The following PRDM9 variants were observed in gnomAD, a reference collection of about 807,000 sequenced individuals.
PRDM9 encodes histone-lysine N-methyltransferase PRDM9.
PRDM9 carries 47 observed loss-of-function variants against 55.6 expected under a neutral mutation model. That is an observed-to-expected ratio of 0.85 (90% CI 0.67 to 1.08). The LOEUF (loss-of-function observed/expected upper bound fraction) is 1.08, where lower values mean the gene tolerates loss of function less well. PRDM9 is among the 50% of genes least tolerant of loss of function. PRDM9 has a pLI of 0.00. For missense variants in PRDM9, 867 were observed against 1,040.3 expected (o/e 0.83, Z 2.29); for synonymous variants, 312 against 375.7 (o/e 0.83, Z 1.96).
chr5:23,522,933 C>T lies in PRDM9; in HGVS notation c.882+48C>T, dbSNP rs777982158. The T allele has an allele frequency of 2.5e-6, 4 of 1,614,002 alleles. No homozygotes were observed. The East Asian group carries it at 8.9e-5, about 36-fold the overall frequency. Reference sequence around the variant, plus strand: ...CCTGTTCTGTCTTCCCACATCCCTTCTGTGCCTTTGGTGGGGCATAATCTT... The same window carrying T: ...CCTGTTCTGTCTTCCCACATCCCTTTTGTGCCTTTGGTGGGGCATAATCTT... On this transcript the variant is annotated intron_variant, in intron 8 of 10. Transcript: ENST00000296682.
At chr5:23,512,383 T>G (rs1739116053) in intron 4 of PRDM9, among the ~76,000 whole-genome samples, 1 of 152,138 alleles carries the variant, frequency 6.6e-6, no homozygotes, top group Non-Finnish European at 1.5e-5. Context: ...AGAGTCAATC[T>G]ACCCAAACTA....
rs143621375 is a variant in PRDM9 at position 23,521,399 on chromosome 5, G to A, written c.508+220G>A. Among the ~76,000 whole-genome samples, 621 of 152,236 alleles carry A rather than the reference G, an allele frequency of 4.1e-3. 8 individuals carry two copies. Among genetic ancestry groups the A allele is most frequent in the African/African-American group, 0.014 (567 of 41,538 alleles). Reference sequence around the variant, plus strand: ...GTTGCCCAGGCTGGAGTGCAGTGGCGCAATCTCGGTTCACTGCAACCTCTG... The same window carrying A: ...GTTGCCCAGGCTGGAGTGCAGTGGCACAATCTCGGTTCACTGCAACCTCTG... On this transcript the variant is annotated intron_variant, in intron 6 of 10. Transcript: ENST00000296682.
At chr5:23,519,216 T>C (rs1739278790) in intron 5 of PRDM9, among the ~76,000 whole-genome samples, 1 of 151,156 alleles carries the variant, frequency 6.6e-6, no homozygotes, top group South Asian at 2.1e-4. Flanking sequence ...TGCACCACCA[T>C]GCCCAGCTGA....
intron 10 of PRDM9, among the ~76,000 whole-genome samples, chr5:23,525,441 T>C (rs1055227473): frequency 9.2e-5 from 14 of 152,188 alleles, no homozygotes; most frequent in African/African-American, 3.4e-4. Context: ...GAATGAAATA[T>C]CTCAAAAATG....
chr5:23,520,881 C>T, intron 5 of PRDM9, 142 bp from the exon 6 acceptor site: 1 of 990,876 alleles, frequency 1.0e-6, no homozygotes, highest in South Asian at 1.5e-5. Flanking sequence ...TAGACCTTCT[C>T]TTTTCCCTCT....
chr5:23,514,268 G>A (rs1248639177), intron 4 of PRDM9, among the ~76,000 whole-genome samples: 1 of 152,114 alleles, frequency 6.6e-6, no homozygotes, highest in Admixed American at 6.5e-5. Flanking sequence ...TTTATTTTCT[G>A]ACATTTCTGA....
At chr5:23,509,884 C>T (rs1739055331) in intron 3 of PRDM9, 36 bp from the exon 4 acceptor site, 2 of 1,611,176 alleles carry the variant, frequency 1.2e-6, no homozygotes, top group Middle Eastern at 1.6e-4. Context: ...TCTCCCAGCT[C>T]TTCCATTTTA....
rs751634562 is a variant in PRDM9, at chr5:23,509,929, C to T, written c.203C>T (p.Ala68Val). The change falls in exon 4 of 11, where the codon GCC becomes GTC. Residue 68 changes from alanine to valine, a missense_variant. Ala to Val is a moderately conservative substitution (Grantham distance 64). Transcript: ENST00000296682. The stretch of plus-strand genomic sequence containing the variant: ...TTTTGCTTCTTTTCAGGTCTCAGAG[C>T]CACTCGACCAGCTTTCATGTGTCAC... ...YNALITIGLR[A>V]TRPAFMCHRR... 1 of 1,613,902 alleles carries T rather than the reference C, an allele frequency of 6.2e-7. No individual in the cohort carries two copies. Among genetic ancestry groups the T allele is most frequent in the Non-Finnish European group, 8.5e-7 (1 of 1,180,010 alleles).
intron 8 of PRDM9, 152 bp downstream of exon 8, chr5:23,523,037 A>C: frequency 7.0e-7 from 1 of 1,419,666 alleles, no homozygotes; most frequent in Non-Finnish European, 9.9e-7. Flanking sequence ...CGGAACTCCT[A>C]TTTAGAGATC....
chr5:23,517,819 G>A, intron 4 of PRDM9, 62 bp from the exon 5 acceptor site: 2 of 1,404,204 alleles, frequency 1.4e-6, no homozygotes, highest in South Asian at 2.3e-5. Flanking sequence ...AAATAGAAGA[G>A]AGAATCTCTA....
In PRDM9 at chr5:23,526,729, AG is replaced by A; in HGVS notation, c.1645del (p.Glu549ArgfsTer390). 6.2e-7 allele frequency: 1 copy of A among 1,613,496 alleles called. No individual in the cohort carries two copies. The highest frequency in any genetic ancestry group is 8.5e-7 in the Non-Finnish European group (1 of 1,179,828). On this transcript the variant is annotated frameshift_variant, in exon 11 of 11. Transcript: ENST00000296682. LOFTEE classifies it low-confidence loss of function (END_TRUNC). ...TTATTACACACCAAAGGACACATAC[AG>A]GGGAGAAGCTCTACGTCTGCAGGGA... is the stretch of plus-strand genomic sequence containing the variant. ...DVITHQRTHT[G>X]EKLYVCRECG...
intron 5 of PRDM9, among the ~76,000 whole-genome samples, chr5:23,519,691 T>C (rs1274121559): frequency 6.6e-6 from 1 of 152,046 alleles, no homozygotes; most frequent in African/African-American, 2.4e-5. Flanking sequence ...ATTCATACTG[T>C]ATTAAGTAGT....
At chr5:23,509,890 T>C in intron 3 of PRDM9, 30 bp from the exon 4 acceptor site, 2 of 1,612,978 alleles carry the variant, frequency 1.2e-6, no homozygotes, top group Non-Finnish European at 1.7e-6. Flanking sequence ...AGCTCTTCCA[T>C]TTTAGAACAA....
intron 6 of PRDM9, among the ~76,000 whole-genome samples, chr5:23,521,483 G>A (rs957001882): frequency 1.8e-4 from 28 of 152,250 alleles, no homozygotes; most frequent in African/African-American, 6.0e-4. Context: ...GATTATAGGC[G>A]TGCGCCACTG....
intron 9 of PRDM9, 100 bp downstream of exon 9, chr5:23,523,458 TC>T: frequency 7.8e-7 from 1 of 1,276,582 alleles, no homozygotes; most frequent in Non-Finnish European, 1.1e-6. Context: ...ATTTTCACAT[TC>T]CCTATTTCTA....
chr5:23,513,185 A>G (rs1739134766), intron 4 of PRDM9, among the ~76,000 whole-genome samples: 1 of 152,154 alleles, frequency 6.6e-6, no homozygotes, highest in African/African-American at 2.4e-5. Flanking sequence ...TTCTGGTTTT[A>G]ATTTTTTGTG....
At position 23,526,626 on chromosome 5, in the gene PRDM9, T is replaced by A; in HGVS notation, c.1538T>A (p.Phe513Tyr). Residue 513 changes from phenylalanine (F) to tyrosine (Y), a missense_variant, in exon 11 of 11, where the codon TTT (phenylalanine) becomes TAT (tyrosine). Phe to Tyr is a conservative substitution (Grantham distance 22). Around this residue, in one of 5 missense-constraint regions of PRDM9, gnomAD observed 662 missense variants for 711.9 expected, o/e 0.93. Transcript: ENST00000296682. The part of the protein sequence containing the change: ...KVNPGNTGKL[F>Y]VGVGISRIAK... ...AATCCAGGGAACACAGGCAAATTAT[T>A]TGTGGGGGTAGGAATCTCAAGAATT... is the stretch of plus-strand genomic sequence containing the variant. The A allele has an allele frequency of 6.2e-7, 1 of 1,614,132 alleles. No individual in the cohort carries two copies. The highest frequency in any genetic ancestry group is 1.3e-5 in the African/African-American group (1 of 75,030).
In PRDM9 at chr5:23,526,773, G is replaced by A. The variant is rs768565965; in HGVS notation, c.1685G>A (p.Ser562Asn). ...TGCAGGGAGTGTGGGCGGGGCTTTAGCTGGAAGTCACACCTCCTCATTCAC... is the reference window on the plus strand; with the variant it reads ...TGCAGGGAGTGTGGGCGGGGCTTTAACTGGAAGTCACACCTCCTCATTCAC... ...YVCRECGRGF[S>N]WKSHLLIHQR... Residue 562 changes from serine to asparagine, a missense_variant, in exon 11 of 11, where the codon AGC becomes AAC. This residue lies in a region of PRDM9 where 662 missense variants were observed against 711.9 expected (regional missense o/e 0.93). Coordinates refer to ENST00000296682, the MANE Select transcript of PRDM9 (RefSeq NM_020227.4). 1 of 1,589,668 alleles carries A rather than the reference G, an allele frequency of 6.3e-7. No homozygotes were observed. The highest frequency in any genetic ancestry group is 1.1e-5 in the South Asian group (1 of 88,628).
intron 4 of PRDM9, among the ~76,000 whole-genome samples, chr5:23,517,644 G>A (rs530278822): frequency 1.3e-5 from 2 of 152,178 alleles, no homozygotes; most frequent in South Asian, 4.1e-4. Context: ...AAATTAGCCG[G>A]GTGTGGTGGC....
Sources: allele counts gnomAD v4.1 joint callset (sites outside exome capture counted in the v4.1 genomes callset), GRCh38; gene constraint gnomAD v4.1.1; regional missense constraint gnomAD v4.1.1; transcripts MANE v1.5; gene names NCBI Gene and HGNC (gene_info 2026-07-23, HGNC 2026-07-21).